LRRK1: variants seen among roughly 807,000 people sequenced by gnomAD.
LRRK1 encodes the protein leucine rich repeat kinase 1.
In LRRK1, 113 loss-of-function variants were observed where a neutral mutation model predicts 209.1. The observed-to-expected ratio is 0.54, with a 90% CI of 0.46 to 0.63. The LOEUF (loss-of-function observed/expected upper bound fraction) is 0.63, where lower values mean the gene tolerates loss of function less well. LRRK1 is among the 30% of genes least tolerant of loss of function. LRRK1 has a pLI of 0.00. For missense variants in LRRK1, 2,284 were observed against 2,632.2 expected (o/e 0.87, Z 2.89); for synonymous variants, 1,144 against 1,099.7 (o/e 1.04, Z -0.80).
chr15:100,941,993 G>A (rs1411781610), intron 2 of LRRK1, among the ~76,000 whole-genome samples: 2 of 152,138 alleles, frequency 1.3e-5, no homozygotes, highest in African/African-American at 2.4e-5. Context: ...TCCACCTCAC[G>A]CACAGTGGAT....
intron 2 of LRRK1, among the ~76,000 whole-genome samples, chr15:100,961,348 G>C (rs976531518): frequency 6.6e-6 from 1 of 152,138 alleles, no homozygotes; most frequent in Non-Finnish European, 1.5e-5. Context: ...ATTTTGGAGG[G>C]GACATTAAAA....
At chr15:101,011,103 T>C (rs2033215792) in intron 9 of LRRK1, among the ~76,000 whole-genome samples, 2 of 152,120 alleles carry the variant, frequency 1.3e-5, no homozygotes, top group Admixed American at 1.3e-4. Context: ...GGGACAGCTT[T>C]CACCCTGGCA....
chr15:101,025,996 T>G lies in LRRK1; in HGVS notation c.2264T>G (p.Val755Gly). Reference protein sequence around the residue: ...AKAPNAVVLVVGTHLDLIEAK... With the variant: ...AKAPNAVVLVGGTHLDLIEAK... ...GCCCCAAACGCCGTGGTGCTGGTGGTCGGGACGCACCTGGATTTAATTGAA... is the reference window on the plus strand; with the variant it reads ...GCCCCAAACGCCGTGGTGCTGGTGGGCGGGACGCACCTGGATTTAATTGAA... The change falls in exon 17 of 34, where the codon GTC becomes GGC. Residue 755 changes from valine to glycine, a missense_variant. Transcript: ENST00000388948. 1 of 1,614,210 alleles carries G rather than the reference T, an allele frequency of 6.2e-7. No individual in the cohort carries two copies. The highest frequency in any genetic ancestry group is 8.5e-7 in the Non-Finnish European group (1 of 1,180,034).
At chr15:100,974,745 T>C (rs1438911890) in intron 3 of LRRK1, among the ~76,000 whole-genome samples, 1 of 152,252 alleles carries the variant, frequency 6.6e-6, no homozygotes, top group Non-Finnish European at 1.5e-5. Context: ...GGATTGAGAA[T>C]GTGGATATGA....
chr15:100,924,537 G>A lies in LRRK1; in HGVS notation c.-96G>A. The A allele has an allele frequency of 9.9e-7, 1 of 1,007,752 alleles. No homozygotes were observed. Among genetic ancestry groups the A allele is most frequent in the Admixed American group, 1.9e-5 (1 of 53,864 alleles). 62.4% of individuals were successfully genotyped at this position (1,007,752 alleles called of 1,614,324 possible). On this transcript the variant is annotated 5_prime_UTR_variant, in exon 2 of 34. The change abolishes an upstream ATG in the 5' untranslated region. Transcript: ENST00000388948. ...GCAAGAAAGCTTTCTGCTCAGCCAT[G>A]GCTACGAGTCCACGCCTTAATGCAC...
intron 6 of LRRK1, among the ~76,000 whole-genome samples, chr15:101,007,921 T>C (rs535285087): frequency 6.6e-6 from 1 of 151,502 alleles, no homozygotes; most frequent in Admixed American, 6.6e-5. Flanking sequence ...GAGGCCAAGG[T>C]GGGTGGATTG....
chr15:100,939,555 G>C (rs1234234044), intron 2 of LRRK1, among the ~76,000 whole-genome samples: 3 of 152,146 alleles, frequency 2.0e-5, no homozygotes, highest in Non-Finnish European at 4.4e-5. Flanking sequence ...TGGTGTCAGC[G>C]CAATCACTCT....
chr15:100,924,860 T>G, intron 2 of LRRK1, 131 bp downstream of exon 2: 1 of 622,336 alleles, frequency 1.6e-6, no homozygotes, highest in Non-Finnish European at 2.9e-6. Flanking sequence ...TGGTGCTCTT[T>G]CATCATATAA....
At chr15:100,999,701 G>A (rs1000980717) in intron 6 of LRRK1, among the ~76,000 whole-genome samples, 3 of 152,196 alleles carry the variant, frequency 2.0e-5, no homozygotes, top group East Asian at 3.8e-4. Context: ...GAGACTTGGG[G>A]AGCTGATTCT....
intron 6 of LRRK1, among the ~76,000 whole-genome samples, chr15:100,990,085 T>C (rs111355263): frequency 6.6e-6 from 1 of 152,218 alleles, no homozygotes; most frequent in Non-Finnish European, 1.5e-5. Flanking sequence ...TCCTTCCACA[T>C]GCAATGCTAT....
chr15:100,931,132 GCTCAT>G (rs1412499856), intron 2 of LRRK1, among the ~76,000 whole-genome samples: 2 of 152,192 alleles, frequency 1.3e-5, no homozygotes, highest in African/African-American at 4.8e-5. Flanking sequence ...TCCTTCCTGA[GCTCAT>G]CACCCCCATG....
intron 24 of LRRK1, among the ~76,000 whole-genome samples, chr15:101,052,232 C>A (rs1028367947): frequency 6.6e-6 from 1 of 152,234 alleles, no homozygotes; most frequent in South Asian, 2.1e-4. Context: ...ACGGCTCCCC[C>A]TTCCCCTCGT....
At chr15:101,041,643 G>C (rs960404367) in intron 20 of LRRK1, among the ~76,000 whole-genome samples, 9 of 151,988 alleles carry the variant, frequency 5.9e-5, no homozygotes, top group African/African-American at 1.7e-4. Context: ...CACGATACCA[G>C]GACATTACTC....
chr15:101,065,315 T>C, intron 31 of LRRK1, 37 bp from the exon 32 acceptor site: 1 of 1,594,886 alleles, frequency 6.3e-7, no homozygotes, highest in Non-Finnish European at 8.5e-7. Flanking sequence ...ATGTGTGAAA[T>C]GGAAGGATGT....
At chr15:101,004,799 G>C (rs999655979) in intron 6 of LRRK1, among the ~76,000 whole-genome samples, 1 of 152,254 alleles carries the variant, frequency 6.6e-6, no homozygotes, top group Non-Finnish European at 1.5e-5. Flanking sequence ...GGTGCTGAGA[G>C]GGAGGCTGCC....
At chr15:101,048,416 C>G (rs1037251534) in intron 21 of LRRK1, 78 bp from the exon 22 acceptor site, 2 of 1,331,034 alleles carry the variant, frequency 1.5e-6, no homozygotes, top group African/African-American at 3.1e-5. Flanking sequence ...TGGGGCCCAG[C>G]CCGGCCTCTG....
chr15:100,991,630 A>G (rs774236425), intron 6 of LRRK1, among the ~76,000 whole-genome samples: 61 of 152,242 alleles, frequency 4.0e-4, no homozygotes, highest in Non-Finnish European at 8.1e-4. Flanking sequence ...ATTCCTCAAT[A>G]CTTTTGGATA....
chr15:100,961,132 G>A (rs1000145836), intron 2 of LRRK1, among the ~76,000 whole-genome samples: 3 of 152,164 alleles, frequency 2.0e-5, no homozygotes, highest in South Asian at 2.1e-4. Context: ...TCTTGCTGGT[G>A]GGGACTGGCT....
intron 6 of LRRK1, among the ~76,000 whole-genome samples, chr15:100,994,495 C>T (rs993815697): frequency 2.6e-5 from 4 of 152,230 alleles, no homozygotes; most frequent in African/African-American, 4.8e-5. Flanking sequence ...AAAGCAGAAA[C>T]AGCTGTTATC....
Sources: gnomAD v4.1 joint callset for allele counts (sites outside exome capture counted in the v4.1 genomes callset) on GRCh38, gnomAD v4.1.1 for gene constraint, MANE v1.5 for transcripts, NCBI Gene and HGNC (gene_info 2026-07-23, HGNC 2026-07-21) for gene names.